STK32B: variants seen among roughly 807,000 people sequenced by gnomAD.
STK32B encodes serine/threonine-protein kinase 32B.
Under a neutral mutation model 52.6 loss-of-function variants are expected in STK32B, and 43 were observed. The ratio of observed to expected loss-of-function variants is 0.82; its 90% CI spans 0.64 to 1.05. The LOEUF is 1.05. Ranked by LOEUF, STK32B falls within the 50% of genes least tolerant of loss-of-function variation. STK32B has a pLI of 0.00. For missense variants in STK32B, 621 were observed against 534.6 expected, an observed-to-expected ratio of 1.16 and a Z score of -1.59; for synonymous variants, 238 against 204.3, an observed-to-expected ratio of 1.17 and a Z score of -1.41.
chr4:5,048,656 GAC>G (rs534368265), upstream of STK32B, among the ~76,000 whole-genome samples: 10 of 152,312 alleles, frequency 6.6e-5, no homozygotes, highest in South Asian at 2.1e-3. Context: ...TCGAACTCCT[GAC>G]CTCAAGTGAT....
At chr4:5,101,543 G>T (rs1261757407) in intron 1 of STK32B, among the ~76,000 whole-genome samples, 1 of 152,046 alleles carries the variant, frequency 6.6e-6, no homozygotes, top group African/African-American at 2.4e-5. Flanking sequence ...TTTCAAGAAG[G>T]GAATGATAGA....
intron 3 of STK32B, among the ~76,000 whole-genome samples, chr4:5,178,602 G>GCTCT (rs565013248): frequency 2.9e-4 from 44 of 152,136 alleles, no homozygotes; most frequent in Non-Finnish European, 5.1e-4. Flanking sequence ...AAACGTTTAT[G>GCTCT]CTCTGCATCC....
At chr4:5,326,407 C>T (rs1731875465) in intron 3 of STK32B, among the ~76,000 whole-genome samples, 1 of 151,932 alleles carries the variant, frequency 6.6e-6, no homozygotes, top group Non-Finnish European at 1.5e-5. Flanking sequence ...AGTCATTGCC[C>T]ATGTAAATAT....
At chr4:5,401,775 T>C (rs764495807) in intron 5 of STK32B, among the ~76,000 whole-genome samples, 2 of 152,188 alleles carry the variant, frequency 1.3e-5, no homozygotes, top group African/African-American at 2.4e-5. Flanking sequence ...TTTCTATTGG[T>C]ACAATAAAGC....
At chr4:5,243,951 C>T (rs984990821) in intron 3 of STK32B, among the ~76,000 whole-genome samples, 5 of 152,062 alleles carry the variant, frequency 3.3e-5, no homozygotes, top group African/African-American at 1.2e-4. Flanking sequence ...GGTGGATAAG[C>T]TTTTTGATGT....
Position 5,437,653 on chromosome 4 carries a change from A to C in STK32B, c.563-9020A>C, listed in dbSNP as rs141433188. ...AGGGGGCAATGATTCGGCCCACTAC[A>C]TCTCCAAATGCCTCTGCCTCCTCAT... On this transcript the variant is annotated intron_variant, in intron 6 of 11. Transcript: ENST00000282908. 9.5e-4 allele frequency among the ~76,000 whole-genome samples: 144 copies of C among 152,324 alleles called. No homozygotes were observed. In the Middle Eastern group the frequency reaches 0.017, roughly 18 times the overall value.
chr4:5,128,279 G>A (rs954891776), intron 1 of STK32B, among the ~76,000 whole-genome samples: 1 of 152,182 alleles, frequency 6.6e-6, no homozygotes, highest in Non-Finnish European at 1.5e-5. Flanking sequence ...AACTGTCCTA[G>A]GAAACGTATA....
At chr4:5,195,188 C>A (rs1322322365) in intron 3 of STK32B, among the ~76,000 whole-genome samples, 1 of 152,140 alleles carries the variant, frequency 6.6e-6, no homozygotes, top group Non-Finnish European at 1.5e-5. Flanking sequence ...AGTCCTCCGG[C>A]CTCAGACTAT....
upstream of STK32B, among the ~76,000 whole-genome samples, chr4:5,050,301 A>C (rs1024989603): frequency 1.3e-5 from 2 of 152,222 alleles, no homozygotes; most frequent in Non-Finnish European, 2.9e-5. Context: ...TTTGCAGATA[A>C]GAACTCCAAA....
intron 3 of STK32B, among the ~76,000 whole-genome samples, chr4:5,293,098 G>A (rs561807829): frequency 3.9e-5 from 6 of 152,034 alleles, no homozygotes; most frequent in Middle Eastern, 3.4e-3. Context: ...AGCTTCATCC[G>A]TGTCCCTGCA....
At chr4:5,381,461 A>G (rs1378214500) in intron 4 of STK32B, among the ~76,000 whole-genome samples, 1 of 152,190 alleles carries the variant, frequency 6.6e-6, no homozygotes, top group Admixed American at 6.5e-5. Flanking sequence ...CAGCACTAAC[A>G]CAGTAACAAT....
In STK32B at chr4:5,230,178, C is replaced by CTTTTTTTTTTTTTTTTTTTTTT. The variant is rs752036100; in HGVS notation, c.260+61738_260+61759dup. On this transcript the variant is annotated intron_variant, in intron 3 of 11. Coordinates refer to ENST00000282908, the MANE Select transcript of STK32B (RefSeq NM_018401.3). ...AGAAGAACACTCAAGCATGCATTCC[C>CTTTTTTTTTTTTTTTTTTTTTT]TTTTTTTTTTTTTTTTTTTTTTTTT... 4.1e-4 allele frequency among the ~76,000 whole-genome samples: 29 copies of CTTTTTTTTTTTTTTTTTTTTTT among 71,120 alleles called. 2 individuals are homozygous for CTTTTTTTTTTTTTTTTTTTTTT. The highest frequency in any genetic ancestry group is 1.5e-3 in the African/African-American group (19 of 12,898). The allele number at this position is 71,120 out of a possible 152,430, so 46.7% of individuals were successfully genotyped here. A position where few individuals can be genotyped will look rare whatever the true frequency, so the allele number is the denominator to read the frequency against.
intron 1 of STK32B, among the ~76,000 whole-genome samples, chr4:5,104,228 A>G (rs986337224): frequency 6.6e-6 from 1 of 152,150 alleles, no homozygotes; most frequent in South Asian, 2.1e-4. Context: ...GATAGTGAGT[A>G]AGTCTCACGA....
chr4:5,398,093 A>G lies in STK32B; in HGVS notation c.435-114A>G. ...CACTCCATGTCTGAGGCTTCAGGTC[A>G]GGGAGAGGTGAGCAGCCTGGGTGTT... is the stretch of plus-strand genomic sequence containing the variant. On this transcript the variant is annotated intron_variant, in intron 4 of 11. Transcript: ENST00000282908. The surrounding 1 kb of genome is among the most constrained non-coding windows in gnomAD (Gnocchi z 4.9). 1.8e-6 allele frequency: 2 copies of G among 1,102,702 alleles called. No individual in the cohort carries two copies. Among genetic ancestry groups the G allele is most frequent in the South Asian group, 3.0e-5 (2 of 67,130 alleles). The allele number at this position is 1,102,702 out of a possible 1,614,324, so 68.3% of individuals were successfully genotyped here. A position where few individuals can be genotyped will look rare whatever the true frequency, so the allele number is the denominator to read the frequency against.
rs1403801613 is a variant in STK32B, at chr4:5,360,619, G to A, written c.434+29226G>A. 1.3e-5 allele frequency among the ~76,000 whole-genome samples: 2 copies of A among 152,118 alleles called. 1 individual carries two copies. Among genetic ancestry groups the A allele is most frequent in the Admixed American group, 1.3e-4 (2 of 15,272 alleles). On this transcript the variant is annotated intron_variant, in intron 4 of 11. Transcript: ENST00000282908. ...GGTTTTATAGCTGGGAGAGAATGAA[G>A]CTGGAAAGCTGGAATAAAGATGTGG...
chr4:5,150,363 A>G (rs999485602), intron 2 of STK32B, among the ~76,000 whole-genome samples: 1 of 151,940 alleles, frequency 6.6e-6, no homozygotes, highest in African/African-American at 2.4e-5. Context: ...ATTCACTTCC[A>G]CTGATTATCT....
At chr4:5,224,111 C>A (rs1723715734) in intron 3 of STK32B, among the ~76,000 whole-genome samples, 1 of 152,138 alleles carries the variant, frequency 6.6e-6, no homozygotes, top group African/African-American at 2.4e-5. Flanking sequence ...TGACTTTGGA[C>A]TTTAAAGTTG....
chr4:5,440,162 G>T (rs1201545449), intron 6 of STK32B, among the ~76,000 whole-genome samples: 4 of 152,180 alleles, frequency 2.6e-5, no homozygotes, highest in Non-Finnish European at 5.9e-5. Context: ...TAGCTTGATG[G>T]GGATGGCATT....
At chr4:5,106,981 G>T (rs1300037787) in intron 1 of STK32B, among the ~76,000 whole-genome samples, 1 of 152,030 alleles carries the variant, frequency 6.6e-6, no homozygotes, top group Non-Finnish European at 1.5e-5. Flanking sequence ...ATCACTTTTT[G>T]TGATCCTAAA....
Sources: gnomAD v4.1 joint callset for allele counts (sites outside exome capture counted in the v4.1 genomes callset) on GRCh38, gnomAD v4.1.1 for gene constraint, Gnocchi (gnomAD v3.1) non-coding constraint, MANE v1.5 for transcripts, NCBI Gene and HGNC (gene_info 2026-07-23, HGNC 2026-07-21) for gene names.